SI: variants seen among roughly 807,000 people sequenced by gnomAD.
SI encodes sucrase-isomaltase, intestinal.
In SI, 235 loss-of-function variants were observed where a neutral mutation model predicts 253.3. That is an observed-to-expected ratio of 0.93 (90% CI 0.83 to 1.03). The LOEUF (loss-of-function observed/expected upper bound fraction) is 1.03, where lower values mean the gene tolerates loss of function less well. Ranked by LOEUF, SI falls within the 50% of genes least tolerant of loss-of-function variation. SI has a pLI of 0.00. For synonymous variants in SI, 819 were observed against 712.0 expected (o/e 1.15, Z -2.39); for missense variants, 2,442 against 2,211.1 (o/e 1.10, Z -2.09).
chr3:165,055,616 A>G (rs986725159), intron 12 of SI, among the ~76,000 whole-genome samples: 3 of 151,968 alleles, frequency 2.0e-5, no homozygotes, highest in Admixed American at 1.3e-4. Context: ...TACATACACA[A>G]TAAATATTCT....
chr3:165,047,614 C>T (rs1252901304), intron 15 of SI, among the ~76,000 whole-genome samples: 1 of 151,916 alleles, frequency 6.6e-6, no homozygotes. Flanking sequence ...TGAATGACTC[C>T]AATCATCCTT....
Position 164,994,245 on chromosome 3 carries a change from CT to C in SI, c.4841+11del. 1.9e-6 allele frequency: 3 copies of C among 1,608,662 alleles called. No homozygotes were observed. The highest frequency in any genetic ancestry group is 2.6e-6 in the Non-Finnish European group (3 of 1,176,330). ...TCTCTCTGTGATAAGAGAAAACAAA[CT>C]TTGTACTTACTCATGCAAAAGGGGT... On this transcript the variant is annotated intron_variant, in intron 41 of 47. Transcript: ENST00000264382.
At chr3:165,048,018 T>A (rs2108230083) in intron 15 of SI, among the ~76,000 whole-genome samples, 1 of 152,180 alleles carries the variant, frequency 6.6e-6, no homozygotes, top group South Asian at 2.1e-4. Flanking sequence ...TAGCCTGTTT[T>A]TTCTTTCCTA....
At position 165,020,355 on chromosome 3, in the gene SI, G is replaced by C. The variant is rs554751991; in HGVS notation, c.3255-585C>G. Among the ~76,000 whole-genome samples, 8 of 151,802 alleles carry C rather than the reference G, an allele frequency of 5.3e-5. No individual in the cohort carries two copies. In the South Asian group the frequency reaches 1.0e-3, roughly 20 times the overall value. On this transcript the variant is annotated intron_variant, in intron 27 of 47. Coordinates refer to ENST00000264382, the MANE Select transcript of SI (RefSeq NM_001041.4). Reference sequence around the variant, plus strand: ...AACTCATTTGCAAGAAGAACATAAAGAGGAAGGAAAGTAACATGGGCAAGG... The same window carrying C: ...AACTCATTTGCAAGAAGAACATAAACAGGAAGGAAAGTAACATGGGCAAGG...
chr3:165,075,884 G>A lies in SI; in HGVS notation c.118+11C>T, dbSNP rs767898820. Reference sequence around the variant, plus strand: ...ACGATAATGTAGCCATGCTTTTAATGTACTACTTACCATCAACAGCAGGTG... The same window carrying A: ...ACGATAATGTAGCCATGCTTTTAATATACTACTTACCATCAACAGCAGGTG... On this transcript the variant is annotated intron_variant, in intron 2 of 47. Transcript: ENST00000264382. The A allele has an allele frequency of 1.4e-5, 20 of 1,429,232 alleles. No individual in the cohort carries two copies. Among genetic ancestry groups the A allele is most frequent in the Admixed American group, 1.7e-5 (1 of 59,486 alleles). The allele number at this position is 1,429,232 out of a possible 1,614,324, so 88.5% of individuals were successfully genotyped here. A position where few individuals can be genotyped will look rare whatever the true frequency, so the allele number is the denominator to read the frequency against.
At chr3:164,990,606 A>G (rs763960994) in intron 44 of SI, among the ~76,000 whole-genome samples, 9 of 152,142 alleles carry the variant, frequency 5.9e-5, no homozygotes, top group Non-Finnish European at 1.3e-4. Context: ...AGGGACATAG[A>G]TGAAGCTGGA....
chr3:164,987,568 G>T (rs1717503208), intron 44 of SI, among the ~76,000 whole-genome samples: 1 of 152,098 alleles, frequency 6.6e-6, no homozygotes, highest in Non-Finnish European at 1.5e-5. Flanking sequence ...AATTAGCTGG[G>T]CGTGGTGGCA....
At chr3:165,013,453 C>T (rs989219432) in intron 33 of SI, among the ~76,000 whole-genome samples, 13 of 152,026 alleles carry the variant, frequency 8.6e-5, no homozygotes, top group African/African-American at 2.9e-4. Context: ...AAGCAAAGAT[C>T]CGATTGAATA....
chr3:165,067,044 G>A (rs1161314743), intron 6 of SI, among the ~76,000 whole-genome samples: 1 of 151,784 alleles, frequency 6.6e-6, no homozygotes, highest in South Asian at 2.1e-4. Flanking sequence ...TAAATATAAG[G>A]GGGAAAGACA....
chr3:165,001,469 G>A (rs1395394521), intron 37 of SI, among the ~76,000 whole-genome samples: 1 of 151,378 alleles, frequency 6.6e-6, no homozygotes, highest in Admixed American at 6.6e-5. Flanking sequence ...AATTGGATAA[G>A]TATTTTGTAG....
rs1417087075 is a variant in SI at position 165,030,779 on chromosome 3, T to G, written c.2825A>C (p.Asn942Thr). 2.5e-6 allele frequency: 4 copies of G among 1,608,196 alleles called. No individual in the cohort carries two copies. The African/African-American group carries it at 5.4e-5, about 22-fold the overall frequency. Residue 942 changes from asparagine to threonine, a missense_variant, in exon 25 of 48, where the codon AAT (asparagine) becomes ACT (threonine). Asn to Thr is a moderately conservative substitution (Grantham distance 65, BLOSUM62 0). Transcript: ENST00000264382. Reference protein sequence around the residue: ...NQIFSENERFNCYPDADLATE... With the variant: ...NQIFSENERFTCYPDADLATE... ...TGCCAAATCTGCATCTGGATAACAA[T>G]TAAATCTTTCATTTTCTGAGAAAAT...
At chr3:165,087,801 G>A in the SI span, among the ~76,000 whole-genome samples, 1 of 152,132 alleles carries the variant, frequency 6.6e-6, no homozygotes, top group African/African-American at 2.4e-5. Flanking sequence ...GGATGGTATA[G>A]TATCCTCCTT....
chr3:164,989,596 T>G (rs1383475836), intron 44 of SI, among the ~76,000 whole-genome samples: 1 of 152,010 alleles, frequency 6.6e-6, no homozygotes, highest in African/African-American at 2.4e-5. Context: ...GTCTACATTT[T>G]CATGTACTAT....
chr3:165,043,158 A>G lies in SI; in HGVS notation c.1905T>C (p.Cys635=), dbSNP rs767864714. Residue 635 remains cysteine (C), a synonymous_variant, in exon 17 of 48, where the codon TGT becomes TGC. Coordinates refer to ENST00000264382, the MANE Select transcript of SI (RefSeq NM_001041.4). ...FGIPLVGADI[C]GFVAETTEEL... ...CTTCTGTGGTTTCAGCCACAAATCCACAGATGTCTGCTCCAACCTAAATAA... is the reference window on the plus strand; with the variant it reads ...CTTCTGTGGTTTCAGCCACAAATCCGCAGATGTCTGCTCCAACCTAAATAA... 1 of 1,610,114 alleles carries G rather than the reference A, an allele frequency of 6.2e-7. No individual in the cohort carries two copies. The highest frequency in any genetic ancestry group is 8.5e-7 in the Non-Finnish European group (1 of 1,177,070).
intron 34 of SI, among the ~76,000 whole-genome samples, chr3:165,010,632 A>G (rs1425902356): frequency 6.6e-6 from 1 of 152,176 alleles, no homozygotes; most frequent in East Asian, 1.9e-4. Context: ...CTTTTTCATT[A>G]ATTTTCACTT....
chr3:165,023,694 G>C lies in SI; in HGVS notation c.2975C>G (p.Ser992Cys). Residue 992 changes from serine (S) to cysteine (C), a missense_variant, in exon 26 of 48, where the codon TCC becomes TGC. Ser to Cys is a moderately radical substitution (Grantham distance 112). Coordinates refer to ENST00000264382, the MANE Select transcript of SI (RefSeq NM_001041.4). The part of the protein sequence containing the change: ...SYSVNSARYS[S>C]MGITADLQLN... ...TTGGAGGTCAGCTGTTATACCCATG[G>C]ATGAATAGCGAGCTGAGTTGACTGA... 1 of 1,610,812 alleles carries C rather than the reference G, an allele frequency of 6.2e-7. No individual in the cohort carries two copies. The highest frequency in any genetic ancestry group is 8.5e-7 in the Non-Finnish European group (1 of 1,177,860).
intron 26 of SI, among the ~76,000 whole-genome samples, chr3:165,022,466 C>A (rs1037297864): frequency 6.7e-6 from 1 of 149,982 alleles, no homozygotes; most frequent in African/African-American, 2.4e-5. Flanking sequence ...TTTTAAATAA[C>A]CTACCTCTTC....
At chr3:165,044,452 CA>C (rs1553775604) in intron 16 of SI, among the ~76,000 whole-genome samples, 2 of 151,934 alleles carry the variant, frequency 1.3e-5, no homozygotes, top group Non-Finnish European at 2.9e-5. Flanking sequence ...CAAATTTTAT[CA>C]CCTTTCTTCA....
At chr3:165,084,809 A>C in the SI span, among the ~76,000 whole-genome samples, 1 of 152,218 alleles carries the variant, frequency 6.6e-6, no homozygotes, top group South Asian at 2.1e-4. Flanking sequence ...AAATTTAAAC[A>C]GGACATGATT....
Sources: allele counts gnomAD v4.1 joint callset (sites outside exome capture counted in the v4.1 genomes callset), GRCh38; gene constraint gnomAD v4.1.1; transcripts MANE v1.5; gene names NCBI Gene and HGNC (gene_info 2026-07-23, HGNC 2026-07-21).